Variants in ADGRG5 observed in about 807,000 individuals in gnomAD.
The protein encoded by ADGRG5 is adhesion G protein-coupled receptor G5, also known as G protein-coupled receptor 114.
ADGRG5 carries 37 observed loss-of-function variants against 53.2 expected under a neutral mutation model. The observed-to-expected ratio is 0.70, with a 90% CI of 0.53 to 0.91. The LOEUF is 0.91. Ranked by LOEUF, ADGRG5 falls within the 40% of genes least tolerant of loss-of-function variation. The pLI is 0.00. For missense variants in ADGRG5, 614 were observed against 675.8 expected (o/e 0.91, Z 1.01); for synonymous variants, 277 against 290.4 (o/e 0.95, Z 0.47).
chr16:57,549,775 C>G (rs558739029), intron 1 of ADGRG5, among the ~76,000 whole-genome samples: 23 of 152,316 alleles, frequency 1.5e-4, no homozygotes, highest in Admixed American at 6.5e-4. Flanking sequence ...ATAGTTTTGA[C>G]TTTTCTAGAT....
At chr16:57,564,721 G>A (rs1176184102) in intron 5 of ADGRG5, among the ~76,000 whole-genome samples, 3 of 152,280 alleles carry the variant, frequency 2.0e-5, no homozygotes, top group African/African-American at 7.2e-5. Flanking sequence ...AGTTTCTGGG[G>A]AAGGTGCCTT....
rs1344405199 is a variant in ADGRG5 at position 57,574,546 on chromosome 16, AG to A, written c.1209-263del. 6.6e-6 allele frequency among the ~76,000 whole-genome samples: 1 copy of A among 152,204 alleles called. No homozygotes were observed. Among genetic ancestry groups the A allele is most frequent in the African/African-American group, 2.4e-5 (1 of 41,456 alleles). ...TGGAAAGGAGAGAGGAAGAATTTTC[AG>A]GGGGGTGAAGACATGGGGACGTGAG... On this transcript the variant is annotated intron_variant, in intron 10 of 11. Transcript: ENST00000349457. This position sits in a 1 kb window ranked among gnomAD's most constrained non-coding sequence, Gnocchi z 4.4.
intron 9 of ADGRG5, 100 bp downstream of exon 9, chr16:57,568,224 G>A: frequency 8.2e-7 from 1 of 1,216,002 alleles, no homozygotes. Flanking sequence ...CGTCATAGTG[G>A]CCATTACATG....
At chr16:57,565,198 G>GAA in intron 6 of ADGRG5, 48 bp downstream of exon 6, 3 of 1,126,918 alleles carry the variant, frequency 2.7e-6, no homozygotes, top group Non-Finnish European at 4.1e-6. Context: ...GCCCCTCTGT[G>GAA]ACTCTCCTGT....
Position 57,570,424 on chromosome 16 carries a change from C to G in ADGRG5, c.1097C>G (p.Pro366Arg), listed in dbSNP as rs2033318285. Residue 366 changes from proline (P) to arginine (R), a missense_variant, in exon 10 of 12, where the codon CCA (proline) becomes CGA (arginine). Physicochemically the swap from Pro to Arg is moderately radical, Grantham distance 103 (BLOSUM62 -2). Coordinates refer to ENST00000349457, the MANE Select transcript of ADGRG5 (RefSeq NM_001304376.3). ...FKLGVLGWGAPALLVLLSLSV... is the reference protein window; with the variant it reads ...FKLGVLGWGARALLVLLSLSV... ...CCTTTGTCCCACCCCTCAGGGGCCC[C>G]AGCCCTCCTGGTGCTGCTTTCCCTC... 1 of 1,611,928 alleles carries G rather than the reference C, an allele frequency of 6.2e-7. No individual in the cohort carries two copies. Among genetic ancestry groups the G allele is most frequent in the Non-Finnish European group, 8.5e-7 (1 of 1,179,660 alleles).
At chr16:57,541,473 T>A (rs2146739771), upstream of ADGRG5, among the ~76,000 whole-genome samples, 1 of 152,276 alleles carries the variant, frequency 6.6e-6, no homozygotes, top group East Asian at 1.9e-4. Context: ...GGTGCACCGG[T>A]GTCCCTGCAA....
chr16:57,539,040 A>G (rs556637329), upstream of ADGRG5, among the ~76,000 whole-genome samples: 1 of 152,254 alleles, frequency 6.6e-6, no homozygotes, highest in African/African-American at 2.4e-5. Flanking sequence ...TGATTGTAGC[A>G]TTATTCACAA....
intron 1 of ADGRG5, among the ~76,000 whole-genome samples, chr16:57,548,205 A>G (rs770374139): frequency 1.3e-5 from 2 of 150,622 alleles, no homozygotes; most frequent in African/African-American, 4.9e-5. Context: ...AAGAATACAC[A>G]TAATTCTTAA....
chr16:57,548,049 C>CA (rs2146757241), intron 1 of ADGRG5, among the ~76,000 whole-genome samples: 1 of 152,126 alleles, frequency 6.6e-6, no homozygotes, highest in African/African-American at 2.4e-5. Context: ...CGCCTGGCCT[C>CA]AAAATATTTT....
intron 7 of ADGRG5, 136 bp from the exon 8 acceptor site, chr16:57,567,328 ATGGCCT>A: frequency 1.2e-6 from 1 of 820,170 alleles, no homozygotes; most frequent in Non-Finnish European, 1.9e-6. Context: ...TGTATCTGCC[ATGGCCT>A]TGTTCAAGCC....
chr16:57,561,948 T>G, intron 1 of ADGRG5, 108 bp from the exon 2 acceptor site: 1 of 536,776 alleles, frequency 1.9e-6, no homozygotes. Flanking sequence ...AATGCAGGAG[T>G]GGTGAGTCAA....
chr16:57,536,792 A>G, the ADGRG5 span, among the ~76,000 whole-genome samples: 54,344 of 151,836 alleles, frequency 0.36, 9,925 homozygotes, highest in East Asian at 0.46. Context: ...GCCGTACCCC[A>G]ACGGAGGCCC....
chr16:57,542,581 G>C (rs550368891), upstream of ADGRG5: 1 of 152,434 alleles, frequency 6.6e-6, no homozygotes, highest in African/African-American at 2.4e-5. Context: ...TGCAGTGGGG[G>C]TGCAGGTGTG....
rs543549547 is a variant in ADGRG5 at position 57,551,192 on chromosome 16, G to A, written c.-39+8491G>A. ...ACAAATCACACGCTTTTTTGCTGGTGGAAAGTCTTGCCTTGATGCTGATCA... is the reference window on the plus strand; with the variant it reads ...ACAAATCACACGCTTTTTTGCTGGTAGAAAGTCTTGCCTTGATGCTGATCA... On this transcript the variant is annotated intron_variant, in intron 1 of 11. Transcript: ENST00000349457. 1.2e-4 allele frequency among the ~76,000 whole-genome samples: 19 copies of A among 152,272 alleles called. No homozygotes were observed. In the South Asian group the frequency reaches 3.5e-3, roughly 28 times the overall value.
chr16:57,550,362 T>C (rs1350754597), intron 1 of ADGRG5, among the ~76,000 whole-genome samples: 3 of 152,248 alleles, frequency 2.0e-5, no homozygotes, highest in Non-Finnish European at 4.4e-5. Context: ...ATTAGTTGTG[T>C]AAGAGTTCTT....
the ADGRG5 span, among the ~76,000 whole-genome samples, chr16:57,536,267 C>T: frequency 3.3e-5 from 5 of 151,978 alleles, no homozygotes; most frequent in East Asian, 1.9e-4. Flanking sequence ...TCCCCCATCA[C>T]CCCGCGGCCC....
Position 57,551,078 on chromosome 16 carries a change from G to A in ADGRG5, c.-39+8377G>A, listed in dbSNP as rs574755656. On this transcript the variant is annotated intron_variant, in intron 1 of 11. Transcript: ENST00000349457. ...TACATTATACTGTAGTCTATTTAGT[G>A]TACAAAAGCATTATGTCTAAAAATG... Among the ~76,000 whole-genome samples the A allele has an allele frequency of 2.0e-5, 3 of 152,212 alleles. No homozygotes were observed. The South Asian group carries it at 6.2e-4, about 32-fold the overall frequency.
chr16:57,529,332 A>G, the ADGRG5 span: 5 of 1,053,124 alleles, frequency 4.7e-6, no homozygotes, highest in Non-Finnish European at 5.8e-6. This position sits in a 1 kb window ranked among gnomAD's most constrained non-coding sequence, Gnocchi z 4.1. Context: ...GACCTACGGG[A>G]GAACACAACC....
chr16:57,573,281 A>G lies in ADGRG5; in HGVS notation c.1209-1534A>G, dbSNP rs2033412694. Reference sequence around the variant, plus strand: ...ACCCTGTCTTTACTAAAAATACACAAAAATTAGCTGGGCGTGGTGTCAGGA... The same window carrying G: ...ACCCTGTCTTTACTAAAAATACACAGAAATTAGCTGGGCGTGGTGTCAGGA... On this transcript the variant is annotated intron_variant, in intron 10 of 11. Coordinates refer to ENST00000349457, the MANE Select transcript of ADGRG5 (RefSeq NM_001304376.3). Among the ~76,000 whole-genome samples, 3 of 151,962 alleles carry G rather than the reference A, an allele frequency of 2.0e-5. No homozygotes were observed. In the South Asian group the frequency reaches 6.2e-4, roughly 32 times the overall value.
Sources: gnomAD v4.1 joint callset for allele counts (sites outside exome capture counted in the v4.1 genomes callset) on GRCh38, gnomAD v4.1.1 for gene constraint, Gnocchi (gnomAD v3.1) non-coding constraint, MANE v1.5 for transcripts, NCBI Gene and HGNC (gene_info 2026-07-23, HGNC 2026-07-21) for gene names.